The following STAG1 variants were observed in gnomAD, a reference collection of about 807,000 sequenced individuals.
STAG1 encodes STAG1 cohesin complex component, also known as cohesin subunit SA-1.
STAG1 carries 26 observed loss-of-function variants against 170.9 expected under a neutral mutation model. The ratio of observed to expected loss-of-function variants is 0.15; its 90% CI spans 0.11 to 0.21. The LOEUF is 0.21. STAG1 is among the 10% of genes least tolerant of loss of function. STAG1 has a pLI of 1.00. For missense variants in STAG1, 964 were observed against 1,509.5 expected (o/e 0.64, Z 5.99); for synonymous variants, 514 against 497.7 (o/e 1.03, Z -0.44).
At chr3:136,504,124 C>A (rs758125997) in intron 7 of STAG1, among the ~76,000 whole-genome samples, 1 of 152,134 alleles carries the variant, frequency 6.6e-6, no homozygotes, top group African/African-American at 2.4e-5. Context: ...TCTATCTACA[C>A]GTATACTCAA....
At chr3:136,675,588 C>T (rs963243582) in intron 1 of STAG1, among the ~76,000 whole-genome samples, 9 of 152,110 alleles carry the variant, frequency 5.9e-5, no homozygotes, top group African/African-American at 2.2e-4. Context: ...CCCTTTCAAA[C>T]TATACAATAT....
rs1313505869 is a variant in STAG1, at chr3:136,416,455, C to T, written c.2196+1430G>A. On this transcript the variant is annotated intron_variant, in intron 21 of 33. Transcript: ENST00000383202. ...ACTGTGAAGCTGTCACAAGTCAGTA[C>T]TAGCACAATAATGATGGTATAGTAA... is the stretch of plus-strand genomic sequence containing the variant. Among the ~76,000 whole-genome samples, 6 of 152,288 alleles carry T rather than the reference C, an allele frequency of 3.9e-5. No individual in the cohort carries two copies. In the South Asian group the frequency reaches 8.3e-4, roughly 21 times the overall value.
chr3:136,356,057 G>GT (rs77325026), intron 28 of STAG1, among the ~76,000 whole-genome samples: 2,843 of 134,840 alleles, frequency 0.021, 31 homozygotes, highest in Admixed American at 0.037. Context: ...TTGTCTGCCT[G>GT]TTTTTTTTTT....
At position 136,542,210 on chromosome 3, in the gene STAG1, A is replaced by G; in HGVS notation, c.395-15T>C. The stretch of plus-strand genomic sequence containing the variant: ...TCTCACAGTACCTGTGGAACAACAG[A>G]TTTTACATTAATCTTTCAATTAATC... On this transcript the variant is annotated splice_polypyrimidine_tract_variant and intron_variant, in intron 5 of 33. Transcript: ENST00000383202. 1 of 1,581,820 alleles carries G rather than the reference A, an allele frequency of 6.3e-7. No individual in the cohort carries two copies. The highest frequency in any genetic ancestry group is 8.6e-7 in the Non-Finnish European group (1 of 1,158,456).
intron 5 of STAG1, among the ~76,000 whole-genome samples, chr3:136,568,543 T>C (rs1401382310): frequency 6.6e-6 from 1 of 152,044 alleles, no homozygotes; most frequent in Non-Finnish European, 1.5e-5. Flanking sequence ...TCCCAAAATT[T>C]CAAAAACTAT....
intron 12 of STAG1, among the ~76,000 whole-genome samples, chr3:136,471,277 C>T (rs1171098218): frequency 6.6e-6 from 1 of 151,974 alleles, no homozygotes; most frequent in Non-Finnish European, 1.5e-5. Context: ...AGTGATATAA[C>T]ATAGCAAAGT....
At chr3:136,582,204 G>T (rs1269488860) in intron 4 of STAG1, among the ~76,000 whole-genome samples, 1 of 137,384 alleles carries the variant, frequency 7.3e-6, no homozygotes, top group Admixed American at 7.7e-5. Flanking sequence ...TTGTGTGGGG[G>T]TTGAAGAGGT....
chr3:136,748,065 G>A (rs1053255831), intron 1 of STAG1, among the ~76,000 whole-genome samples: 4 of 143,572 alleles, frequency 2.8e-5, no homozygotes, highest in East Asian at 5.0e-4. Flanking sequence ...GTGAGCCACC[G>A]CGCCTGGCCA....
chr3:136,564,860 T>C (rs927281170), intron 5 of STAG1, among the ~76,000 whole-genome samples: 1 of 151,042 alleles, frequency 6.6e-6, no homozygotes, highest in African/African-American at 2.4e-5. Flanking sequence ...AAATATAAAA[T>C]CCAGCCTCCA....
At chr3:136,630,051 C>T (rs561190239) in intron 2 of STAG1, among the ~76,000 whole-genome samples, 99 of 152,024 alleles carry the variant, frequency 6.5e-4, no homozygotes, top group African/African-American at 2.3e-3. Context: ...AAAAATTAGC[C>T]GGGCATGGTG....
intron 1 of STAG1, among the ~76,000 whole-genome samples, chr3:136,659,587 C>T (rs867353356): frequency 1.3e-5 from 2 of 152,128 alleles, no homozygotes; most frequent in Non-Finnish European, 2.9e-5. Flanking sequence ...CCAAATGAAA[C>T]GGAAAACTCA....
chr3:136,364,595 C>T (rs993618600), intron 25 of STAG1, among the ~76,000 whole-genome samples: 2 of 152,068 alleles, frequency 1.3e-5, no homozygotes, highest in Admixed American at 1.3e-4. Flanking sequence ...CTGTAACCCC[C>T]CCATCAACAT....
At chr3:136,459,145 G>C (rs531017061) in intron 13 of STAG1, among the ~76,000 whole-genome samples, 1 of 151,662 alleles carries the variant, frequency 6.6e-6, no homozygotes, top group South Asian at 2.1e-4. Flanking sequence ...TTGAACCCAG[G>C]AGGTGGAGGT....
intron 22 of STAG1, among the ~76,000 whole-genome samples, chr3:136,386,670 C>T (rs2086881336): frequency 1.3e-5 from 2 of 152,226 alleles, no homozygotes; most frequent in African/African-American, 4.8e-5. Flanking sequence ...GCAAGCACTA[C>T]AGGCACACAC....
At chr3:136,347,497 T>C (rs1033661867) in intron 29 of STAG1, among the ~76,000 whole-genome samples, 1 of 152,106 alleles carries the variant, frequency 6.6e-6, no homozygotes, top group African/African-American at 2.4e-5. Context: ...TTTCTTTCTC[T>C]GGACTTTTAA....
At chr3:136,377,320 G>A (rs1937653930) in intron 23 of STAG1, among the ~76,000 whole-genome samples, 1 of 131,460 alleles carries the variant, frequency 7.6e-6, no homozygotes, top group Non-Finnish European at 1.6e-5. Flanking sequence ...CCGGGAGGCG[G>A]AGCTTGCAGT....
At chr3:136,381,659 T>C (rs1307173647) in intron 22 of STAG1, among the ~76,000 whole-genome samples, 2 of 152,156 alleles carry the variant, frequency 1.3e-5, no homozygotes, top group African/African-American at 4.8e-5. Context: ...TCTTTTAAGG[T>C]TGATGGATTT....
At chr3:136,643,381 G>A (rs73230015) in intron 1 of STAG1, among the ~76,000 whole-genome samples, 4,882 of 152,298 alleles carry the variant, frequency 0.032, 88 homozygotes, top group Non-Finnish European at 0.048. Context: ...TTTCAGATGA[G>A]AAGTTCTATG....
chr3:136,489,946 C>T (rs9883916), intron 9 of STAG1, among the ~76,000 whole-genome samples: 122,893 of 152,214 alleles, frequency 0.81, 49,776 homozygotes, highest in East Asian at 0.99. Context: ...AGAGTAAACC[C>T]GAAGAGCTGA....
Sources: gnomAD v4.1 joint callset for allele counts (sites outside exome capture counted in the v4.1 genomes callset) on GRCh38, gnomAD v4.1.1 for gene constraint, MANE v1.5 for transcripts, NCBI Gene and HGNC (gene_info 2026-07-23, HGNC 2026-07-21) for gene names.